ZNF565: variants seen among roughly 807,000 people sequenced by gnomAD.
The protein encoded by ZNF565 is zinc finger protein 565.
A neutral mutation model predicts 39.4 loss-of-function variants in ZNF565; 27 were observed. The ratio of observed to expected loss-of-function variants is 0.69; its 90% CI spans 0.51 to 0.95. The LOEUF is 0.95. Ranked by LOEUF, ZNF565 falls within the 40% of genes least tolerant of loss-of-function variation. The pLI is 0.00. For synonymous variants in ZNF565, 185 were observed against 216.6 expected (o/e 0.85, Z 1.28); for missense variants, 524 against 621.1 (o/e 0.84, Z 1.66).
chr19:36,188,187 C>G (rs1445489705), intron 4 of ZNF565, among the ~76,000 whole-genome samples: 1 of 149,918 alleles, frequency 6.7e-6, no homozygotes, highest in Non-Finnish European at 1.5e-5. Flanking sequence ...AAACCCGTCT[C>G]TACTAAAAAT....
At chr19:36,236,361 T>C (rs1183619867) in intron 1 of ZNF565, 1 of 1,493,602 alleles carries the variant, frequency 6.7e-7, no homozygotes, top group Non-Finnish European at 9.0e-7. Context: ...GGAAATATCT[T>C]CAGCCAAAAG....
At chr19:36,240,862 T>A (rs1346865948) in intron 1 of ZNF565, among the ~76,000 whole-genome samples, 31 of 139,782 alleles carry the variant, frequency 2.2e-4, no homozygotes, top group Admixed American at 4.2e-4. Flanking sequence ...AGAATGAGAC[T>A]CTATCTCAAA....
At chr19:36,197,276 A>C (rs530090479) in intron 2 of ZNF565, among the ~76,000 whole-genome samples, 7 of 151,796 alleles carry the variant, frequency 4.6e-5, no homozygotes, top group East Asian at 1.9e-4. Flanking sequence ...TGTCTCAAAA[A>C]AAACAAACAA....
At chr19:36,186,869 T>C (rs1468462245) in intron 4 of ZNF565, among the ~76,000 whole-genome samples, 1 of 152,032 alleles carries the variant, frequency 6.6e-6, no homozygotes, top group African/African-American at 2.4e-5. Context: ...TAACACACTT[T>C]AAGACATGAA....
rs67760026 is a variant in ZNF565, at chr19:36,225,752, CTTTTTTTTTTTT to C, written c.55+19712_55+19723del. On this transcript the variant is annotated intron_variant, in intron 1 of 4. Coordinates refer to the ZNF565 transcript ENST00000355114. ...CAAGCCCTGCCCCTGCTTTGTGATT[CTTTTTTTTTTTT>C]TTTTTTTTTTTTTTGAGACAGGGTC... is the stretch of plus-strand genomic sequence containing the variant. Among the ~76,000 whole-genome samples, 14 of 66,726 alleles carry C rather than the reference CTTTTTTTTTTTT, an allele frequency of 2.1e-4. 1 individual carries two copies. Among genetic ancestry groups the C allele is most frequent in the African/African-American group, 6.6e-4 (11 of 16,566 alleles). 43.8% of individuals were successfully genotyped at this position (66,726 alleles called of 152,430 possible). A position where few individuals can be genotyped will look rare whatever the true frequency, so the allele number is the denominator to read the frequency against.
intron 4 of ZNF565, among the ~76,000 whole-genome samples, chr19:36,193,448 T>C (rs1256790740): frequency 1.3e-5 from 2 of 148,468 alleles, no homozygotes; most frequent in Admixed American, 6.7e-5. Context: ...TTTCTTTTTT[T>C]TTTTTTTTTT....
At chr19:36,223,714 G>A (rs1231151513) in intron 1 of ZNF565, among the ~76,000 whole-genome samples, 3 of 151,030 alleles carry the variant, frequency 2.0e-5, no homozygotes, top group Admixed American at 6.6e-5. Flanking sequence ...AAGTTTCACC[G>A]ATATTTTCAA....
At chr19:36,226,267 C>T (rs1039280764) in intron 1 of ZNF565, among the ~76,000 whole-genome samples, 1 of 152,214 alleles carries the variant, frequency 6.6e-6, no homozygotes, top group Admixed American at 6.5e-5. Flanking sequence ...CTGCAAGTTG[C>T]TTCCAGCCAA....
rs1245124166 is a variant in ZNF565, at chr19:36,182,570, G to T, written c.1396C>A (p.Gln466Lys). ...GGTTTGATACCAGGATGAATTCTCTGATGTTCGGTAAGTTGTGAACTACGA... is the reference window on the plus strand; with the variant it reads ...GGTTTGATACCAGGATGAATTCTCTTATGTTCGGTAAGTTGTGAACTACGA... ...FIRSSQLTEH[Q>K]RIHPGIKPYE... Residue 466 changes from glutamine to lysine, a missense_variant, in exon 5 of 5, where the codon CAG (glutamine) becomes AAG (lysine). Gln to Lys is a moderately conservative substitution (Grantham distance 53). Transcript: ENST00000304116. 1.2e-6 allele frequency: 2 copies of T among 1,613,890 alleles called. No individual in the cohort carries two copies. The highest frequency in any genetic ancestry group is 8.5e-7 in the Non-Finnish European group (1 of 1,179,954).
rs143966639 is a variant in ZNF565, at chr19:36,182,554, C to A, written c.1412G>T (p.Gly471Val). 2 of 1,613,574 alleles carry A rather than the reference C, an allele frequency of 1.2e-6. No homozygotes were observed. The highest frequency in any genetic ancestry group is 1.7e-6 in the Non-Finnish European group (2 of 1,179,734). Residue 471 changes from glycine (G) to valine (V), a missense_variant, in exon 5 of 5, where the codon GGT (glycine) becomes GTT (valine). By Grantham distance (109) the Gly-to-Val change is moderately radical (BLOSUM62 -3). Coordinates refer to ENST00000304116, the MANE Select transcript of ZNF565 (RefSeq NM_152477.5). The stretch of plus-strand genomic sequence containing the variant: ...CTCTCTACATTCGTAAGGTTTGATA[C>A]CAGGATGAATTCTCTGATGTTCGGT... ...QLTEHQRIHPGIKPYECRECG... is the reference protein window; with the variant it reads ...QLTEHQRIHPVIKPYECRECG...
chr19:36,212,574 A>G (rs896637120), intron 1 of ZNF565, among the ~76,000 whole-genome samples: 10 of 152,008 alleles, frequency 6.6e-5, no homozygotes, highest in African/African-American at 2.2e-4. Flanking sequence ...GTGAGCTGAG[A>G]TCACAGCACT....
At chr19:36,225,119 C>T (rs766669427) in intron 1 of ZNF565, among the ~76,000 whole-genome samples, 2 of 152,092 alleles carry the variant, frequency 1.3e-5, no homozygotes, top group Non-Finnish European at 2.9e-5. Context: ...AGATAAGATA[C>T]TGGCTTTTGT....
At chr19:36,214,416 C>T (rs1450157496) in intron 1 of ZNF565, among the ~76,000 whole-genome samples, 2 of 152,186 alleles carry the variant, frequency 1.3e-5, no homozygotes, top group Non-Finnish European at 2.9e-5. Flanking sequence ...CACCCCGATA[C>T]TCTCTATCAC....
chr19:36,203,954 T>A (rs1356238108), intron 1 of ZNF565, among the ~76,000 whole-genome samples: 1 of 150,554 alleles, frequency 6.6e-6, no homozygotes, highest in Non-Finnish European at 1.5e-5. Flanking sequence ...AGAAATACTT[T>A]TTTTTTTTTT....
chr19:36,243,929 T>C (rs1160487457), intron 1 of ZNF565, among the ~76,000 whole-genome samples: 1 of 152,146 alleles, frequency 6.6e-6, no homozygotes, highest in Non-Finnish European at 1.5e-5. Flanking sequence ...TTCAAACTCC[T>C]GAACTCCAGG....
At position 36,183,156 on chromosome 19, in the gene ZNF565, T is replaced by C; in HGVS notation, c.810A>G (p.Gln270=). 1.2e-6 allele frequency: 2 copies of C among 1,614,042 alleles called. No individual in the cohort carries two copies. Among genetic ancestry groups the C allele is most frequent in the Non-Finnish European group, 1.7e-6 (2 of 1,180,004 alleles). The part of the protein sequence containing the change: ...FRQHSQLILH[Q]RTHTGEKPYV... ...AGGGTTTCTCGCCTGTGTGAGTTCT[T>C]TGATGCAGAATCAGCTGTGAATGCT... Residue 270 remains glutamine, a synonymous_variant, in exon 5 of 5, where the codon CAA becomes CAG. Transcript: ENST00000304116.
chr19:36,241,558 G>A (rs919578380), intron 1 of ZNF565, among the ~76,000 whole-genome samples: 6 of 151,506 alleles, frequency 4.0e-5, no homozygotes, highest in African/African-American at 9.7e-5. Context: ...TTTGTGAAGC[G>A]GAGGCGGGTG....
Position 36,193,275 on chromosome 19 carries a change from G to A in ZNF565, c.232+958C>T, listed in dbSNP as rs546676652. On this transcript the variant is annotated intron_variant, in intron 4 of 4. Transcript: ENST00000304116. ...AGGGATTACAGGTGTGAGCCACCACGTCTGGCCAATTTTTGTATTTTTAGT... is the reference window on the plus strand; with the variant it reads ...AGGGATTACAGGTGTGAGCCACCACATCTGGCCAATTTTTGTATTTTTAGT... Among the ~76,000 whole-genome samples the A allele has an allele frequency of 4.6e-4, 69 of 151,346 alleles. 1 individual carries two copies. The highest frequency in any genetic ancestry group is 1.6e-3 in the African/African-American group (65 of 41,298).
intron 1 of ZNF565, among the ~76,000 whole-genome samples, chr19:36,233,858 C>T (rs1257260692): frequency 6.6e-6 from 1 of 152,188 alleles, no homozygotes; most frequent in Non-Finnish European, 1.5e-5. Context: ...TTCCTCTTAT[C>T]TCAACTGCAA....
Sources: allele counts gnomAD v4.1 joint callset (sites outside exome capture counted in the v4.1 genomes callset), GRCh38; gene constraint gnomAD v4.1.1; transcripts MANE v1.5; gene names NCBI Gene and HGNC (gene_info 2026-07-23, HGNC 2026-07-21).